Variants in FARS2 observed in about 807,000 individuals in gnomAD.
FARS2 encodes phenylalanine--tRNA ligase, mitochondrial.
A neutral mutation model predicts 46.4 loss-of-function variants in FARS2; 40 were observed. The observed-to-expected ratio is 0.86, with a 90% CI of 0.67 to 1.12. The LOEUF (loss-of-function observed/expected upper bound fraction) is 1.12. Among genes scored for constraint, FARS2 ranks in the 50% most tolerant of loss-of-function variants. The pLI, the probability that FARS2 is intolerant of heterozygous loss-of-function variation, is 0.00. For missense variants in FARS2, 513 were observed against 567.9 expected, an observed-to-expected ratio of 0.90 and a Z score of 0.98; for synonymous variants, 234 against 214.9, an observed-to-expected ratio of 1.09 and a Z score of -0.78.
In FARS2 at chr6:5,583,745, A is replaced by C. The variant is rs557077829; in HGVS notation, c.1066-29424A>C. On this transcript the variant is annotated intron_variant, in intron 5 of 6. Transcript: ENST00000274680. ...ACAGGCCTAAGGCCACAGGACTCTG[A>C]AAGTAAGTGAGGAAGCCAGGTTAAA... 1.1e-4 allele frequency among the ~76,000 whole-genome samples: 16 copies of C among 152,322 alleles called. No individual in the cohort carries two copies. The East Asian group carries it at 2.1e-3, about 20-fold the overall frequency.
intron 6 of FARS2, among the ~76,000 whole-genome samples, chr6:5,693,048 T>A (rs1403268571): frequency 6.6e-6 from 1 of 152,252 alleles, no homozygotes; most frequent in Non-Finnish European, 1.5e-5. Flanking sequence ...AGAATTTGTA[T>A]TTCATCTGTT....
chr6:5,627,750 A>G (rs1441613555), intron 6 of FARS2, among the ~76,000 whole-genome samples: 1 of 152,238 alleles, frequency 6.6e-6, no homozygotes, highest in Non-Finnish European at 1.5e-5. Flanking sequence ...AAGAGAAAGA[A>G]ATTCCATCAA....
intron 5 of FARS2, among the ~76,000 whole-genome samples, chr6:5,612,088 A>G (rs992231908): frequency 6.6e-6 from 1 of 152,134 alleles, no homozygotes. Flanking sequence ...TATTTTGTCA[A>G]CAGCACCCGG....
chr6:5,474,663 G>A lies in FARS2; in HGVS notation c.904+43491G>A, dbSNP rs2432802. ...AAAGGTACAATAAAAATACAGTACT[G>A]TTTTTTTTTTTTTTTTTGAGACAGT... On this transcript the variant is annotated intron_variant, in intron 4 of 6. Coordinates refer to ENST00000274680, the MANE Select transcript of FARS2 (RefSeq NM_006567.5). Among the ~76,000 whole-genome samples the A allele has an allele frequency of 8.7e-3, 1,161 of 133,918 alleles. 29 individuals carry two copies. Among genetic ancestry groups the A allele is most frequent in the African/African-American group, 0.025 (895 of 36,068 alleles). 87.9% of individuals were successfully genotyped at this position (133,918 alleles called of 152,430 possible).
rs556654335 is a variant in FARS2, at chr6:5,326,134, A to G, written c.-21-42416A>G. 1.2e-4 allele frequency among the ~76,000 whole-genome samples: 18 copies of G among 152,336 alleles called. No individual in the cohort carries two copies. In the South Asian group the frequency reaches 3.1e-3, roughly 26 times the overall value. ...TCTTAACTCATCCTAAGATAAATGGACAAACCCCAAAGGAGACTGGCCCAA... is the reference window on the plus strand; with the variant it reads ...TCTTAACTCATCCTAAGATAAATGGGCAAACCCCAAAGGAGACTGGCCCAA... On this transcript the variant is annotated intron_variant, in intron 1 of 6. Coordinates refer to ENST00000274680, the MANE Select transcript of FARS2 (RefSeq NM_006567.5).
At chr6:5,531,961 C>T (rs1439436197) in intron 4 of FARS2, among the ~76,000 whole-genome samples, 1 of 152,210 alleles carries the variant, frequency 6.6e-6, no homozygotes. Context: ...TGGATGCCTT[C>T]ATTCAATACC....
At chr6:5,386,611 A>G (rs1378624730) in intron 2 of FARS2, among the ~76,000 whole-genome samples, 1 of 152,172 alleles carries the variant, frequency 6.6e-6, no homozygotes, top group Non-Finnish European at 1.5e-5. Context: ...GATCGATAAG[A>G]AAGGATGTAA....
At chr6:5,252,142 T>G in the FARS2 span, among the ~76,000 whole-genome samples, 1 of 152,224 alleles carries the variant, frequency 6.6e-6, no homozygotes, top group Non-Finnish European at 1.5e-5. Context: ...TGTTTAACCA[T>G]TTCACCTATA....
rs570882052 is a variant in FARS2, at chr6:5,501,195, G to A, written c.905-43985G>A. Among the ~76,000 whole-genome samples, 20 of 151,912 alleles carry A rather than the reference G, an allele frequency of 1.3e-4. No homozygotes were observed. The South Asian group carries it at 4.2e-3, about 32-fold the overall frequency. On this transcript the variant is annotated intron_variant, in intron 4 of 6. Coordinates refer to ENST00000274680, the MANE Select transcript of FARS2 (RefSeq NM_006567.5). ...AACCTCAAAGAGTTTAAGTAGTATC[G>A]GTATACCTCAGCCTTGTACTAAGGT...
Position 5,664,156 on chromosome 6 carries a change from G to A in FARS2, c.1217+50836G>A, listed in dbSNP as rs974852916. On this transcript the variant is annotated intron_variant, in intron 6 of 6. Transcript: ENST00000274680. ...TCATTTTAGAAACAGAAAGCTTAAT[G>A]TCTCCTGTGTCAGTTCATTCTATGC... Among the ~76,000 whole-genome samples, 45 of 152,204 alleles carry A rather than the reference G, an allele frequency of 3.0e-4. 1 individual carries two copies. Among genetic ancestry groups the A allele is most frequent in the Non-Finnish European group, 2.9e-5 (2 of 68,038 alleles).
chr6:5,656,140 A>G (rs1327599563), intron 6 of FARS2, among the ~76,000 whole-genome samples: 2 of 152,320 alleles, frequency 1.3e-5, no homozygotes, highest in East Asian at 3.9e-4. Context: ...ACAATGGAAG[A>G]CAAGGAAGAG....
At position 5,343,805 on chromosome 6, in the gene FARS2, C is replaced by T. The variant is rs570747623; in HGVS notation, c.-21-24745C>T. ...TGTACTAATATTCATGCCTCTCTGC[C>T]CAAGTCTGTAGTGTCAGTTTTACCA... is the stretch of plus-strand genomic sequence containing the variant. On this transcript the variant is annotated intron_variant, in intron 1 of 6. Transcript: ENST00000274680. The surrounding 1 kb of genome is among the most constrained non-coding windows in gnomAD (Gnocchi z 4.5). Among the ~76,000 whole-genome samples, 3 of 152,210 alleles carry T rather than the reference C, an allele frequency of 2.0e-5. No individual in the cohort carries two copies. In the East Asian group the frequency reaches 5.8e-4, roughly 29 times the overall value.
At chr6:5,418,493 G>A (rs755154017) in intron 3 of FARS2, among the ~76,000 whole-genome samples, 1 of 152,144 alleles carries the variant, frequency 6.6e-6, no homozygotes, top group Non-Finnish European at 1.5e-5. Flanking sequence ...TGAATTATGA[G>A]GTTTTCCCCT....
intron 5 of FARS2, among the ~76,000 whole-genome samples, chr6:5,565,990 A>G (rs953021321): frequency 6.6e-6 from 1 of 152,230 alleles, no homozygotes; most frequent in African/African-American, 2.4e-5. Context: ...ATCCTAACCA[A>G]TTTGACCATG....
upstream of FARS2, chr6:5,260,530 C>G: frequency 1.4e-6 from 2 of 1,382,016 alleles, no homozygotes; most frequent in East Asian, 2.5e-5. Context: ...GTCCTTGCCT[C>G]GCAGCCGCCG....
At chr6:5,644,427 A>G (rs536159583) in intron 6 of FARS2, among the ~76,000 whole-genome samples, 2 of 152,024 alleles carry the variant, frequency 1.3e-5, no homozygotes, top group African/African-American at 4.8e-5. Flanking sequence ...TGTTGCTCAG[A>G]CTGGTCTTGA....
intron 5 of FARS2, among the ~76,000 whole-genome samples, chr6:5,587,830 C>G (rs71557573): frequency 4.6e-5 from 7 of 152,174 alleles, no homozygotes; most frequent in South Asian, 4.1e-4. Flanking sequence ...TCATAACTCT[C>G]TAAACCTCAA....
intron 1 of FARS2, among the ~76,000 whole-genome samples, chr6:5,279,541 AAAT>A (rs1284455958): frequency 6.7e-6 from 1 of 149,740 alleles, no homozygotes; most frequent in Non-Finnish European, 1.5e-5. Context: ...AATATAGAAA[AAAT>A]AAAAAATATA....
At chr6:5,530,102 G>C (rs1441951204) in intron 4 of FARS2, among the ~76,000 whole-genome samples, 1 of 152,192 alleles carries the variant, frequency 6.6e-6, no homozygotes, top group Non-Finnish European at 1.5e-5. Context: ...TGGTTTTACA[G>C]CAAAAAATAA....
Sources: allele counts gnomAD v4.1 joint callset (sites outside exome capture counted in the v4.1 genomes callset), GRCh38; gene constraint gnomAD v4.1.1; non-coding constraint Gnocchi (gnomAD v3.1); transcripts MANE v1.5; gene names NCBI Gene and HGNC (gene_info 2026-07-23, HGNC 2026-07-21).